ABHD16A: variants seen among roughly 807,000 people sequenced by gnomAD.
The protein encoded by ABHD16A is abhydrolase domain containing 16A, phospholipase.
Under a neutral mutation model 89.8 loss-of-function variants are expected in ABHD16A, and 47 were observed. That is an observed-to-expected ratio of 0.52 (90% CI 0.41 to 0.67). The LOEUF is 0.67. ABHD16A is among the 30% of genes least tolerant of loss of function. The pLI, the probability that ABHD16A is intolerant of heterozygous loss-of-function variation, is 0.00. For synonymous variants in ABHD16A, 251 were observed against 280.4 expected (o/e 0.90, Z 1.05); for missense variants, 580 against 734.6 (o/e 0.79, Z 2.43).
At chr6:31,697,820 G>A (rs528526144) in intron 4 of ABHD16A, among the ~76,000 whole-genome samples, 63 of 152,186 alleles carry the variant, frequency 4.1e-4, no homozygotes, top group Non-Finnish European at 6.9e-4. Flanking sequence ...TCGTGTGTCA[G>A]ACAGGCACCG....
chr6:31,693,055 C>G lies in ABHD16A; in HGVS notation c.598G>C (p.Val200Leu), dbSNP rs780830489. ...GTGATCTGACAAGGCAGCTTCTTAA[C>G]CCGGTTGAGGAGGGTGTCTGCTGTC... ...RGTADTLLNR[V>L]KKLPCQITSY... The change falls in exon 7 of 20, where the codon GTT becomes CTT. Residue 200 changes from valine to leucine, a missense_variant. Around this residue, in one of 2 missense-constraint regions of ABHD16A, gnomAD observed 415 missense variants for 568.8 expected, o/e 0.73. Transcript: ENST00000395952. This position sits in a 1 kb window ranked among gnomAD's most constrained non-coding sequence, Gnocchi z 5.0. The G allele has an allele frequency of 9.3e-6, 15 of 1,614,182 alleles. No homozygotes were observed. The highest frequency in any genetic ancestry group is 1.3e-5 in the African/African-American group (1 of 75,048).
At chr6:31,692,935 G>A (rs1187375453) in intron 7 of ABHD16A, 92 bp downstream of exon 7, 1 of 1,552,612 alleles carries the variant, frequency 6.4e-7, no homozygotes, top group Non-Finnish European at 8.9e-7. Context: ...CCCAATGAGT[G>A]ACAGCTATTT....
At chr6:31,696,115 G>T (rs537234729) in intron 5 of ABHD16A, among the ~76,000 whole-genome samples, 2 of 150,242 alleles carry the variant, frequency 1.3e-5, no homozygotes, top group Admixed American at 6.6e-5. Flanking sequence ...AGTAAGCTGA[G>T]ATGGCGCCAC....
Position 31,689,051 on chromosome 6 carries a change from C to A in ABHD16A, c.1150G>T (p.Val384Leu). 6.2e-7 allele frequency: 1 copy of A among 1,614,026 alleles called. No individual in the cohort carries two copies. The highest frequency in any genetic ancestry group is 8.5e-7 in the Non-Finnish European group (1 of 1,179,976). ...GGCATGACCTTCAAGGCCAAGGGCACCAGGTCATCAAAGGAGGCATCCAGG... is the reference window on the plus strand; with the variant it reads ...GGCATGACCTTCAAGGCCAAGGGCAACAGGTCATCAAAGGAGGCATCCAGG... The part of the protein sequence containing the change: ...MILDASFDDL[V>L]PLALKVMPDS... Residue 384 changes from valine to leucine, a missense_variant, in exon 13 of 20, where the codon GTG becomes TTG. By Grantham distance (32) the Val-to-Leu change is conservative. Coordinates refer to ENST00000395952, the MANE Select transcript of ABHD16A (RefSeq NM_021160.3).
rs545892953 is a variant in ABHD16A at position 31,693,665 on chromosome 6, G to A, written c.430-233C>T. 6.6e-6 allele frequency among the ~76,000 whole-genome samples: 1 copy of A among 152,216 alleles called. No individual in the cohort carries two copies. The highest frequency in any genetic ancestry group is 1.5e-5 in the Non-Finnish European group (1 of 68,038). On this transcript the variant is annotated intron_variant, in intron 5 of 19. Transcript: ENST00000395952. The surrounding 1 kb of genome is among the most constrained non-coding windows in gnomAD (Gnocchi z 5.0). The stretch of plus-strand genomic sequence containing the variant: ...GACTGGCCTGTCTGCCCTCTTCCAA[G>A]CTAAGAACCTAACACTCTGCTTTTC...
chr6:31,690,620 A>T lies in ABHD16A; in HGVS notation c.844-18T>A. 1 of 1,612,780 alleles carries T rather than the reference A, an allele frequency of 6.2e-7. No individual in the cohort carries two copies. The stretch of plus-strand genomic sequence containing the variant: ...CAGATCACCTAGGAAGGAGGCAGGA[A>T]GGAAGGGCTGGGGGGCCAAGTTGGG... On this transcript the variant is annotated intron_variant, in intron 9 of 19. Coordinates refer to ENST00000395952, the MANE Select transcript of ABHD16A (RefSeq NM_021160.3). This position sits in a 1 kb window ranked among gnomAD's most constrained non-coding sequence, Gnocchi z 4.1.
At position 31,693,118 on chromosome 6, in the gene ABHD16A, C is replaced by T; in HGVS notation, c.535G>A (p.Gly179Ser). ...GGCTCTGGGCGAAGCAGGGCCACAC[C>T]CCGGCGGGAAGGGCCCCCTCGAGAC... ...KESRGGPSRR[G>S]VALLRPEPLH... The change falls in exon 7 of 20, where the codon GGT (glycine) becomes AGT (serine). Residue 179 changes from glycine (G) to serine (S), a missense_variant. Physicochemically the swap from Gly to Ser is moderately conservative, Grantham distance 56 (BLOSUM62 0). Around this residue, in one of 2 missense-constraint regions of ABHD16A, gnomAD observed 415 missense variants for 568.8 expected, o/e 0.73. Coordinates refer to ENST00000395952, the MANE Select transcript of ABHD16A (RefSeq NM_021160.3). This position sits in a 1 kb window ranked among gnomAD's most constrained non-coding sequence, Gnocchi z 5.0. The T allele has an allele frequency of 6.2e-7, 1 of 1,613,964 alleles. No individual in the cohort carries two copies. The highest frequency in any genetic ancestry group is 8.5e-7 in the Non-Finnish European group (1 of 1,179,916).
At chr6:31,692,947 A>G in intron 7 of ABHD16A, 80 bp downstream of exon 7, 5 of 1,591,408 alleles carry the variant, frequency 3.1e-6, no homozygotes, top group Non-Finnish European at 4.3e-6. Context: ...CAGCTATTTT[A>G]CAATGGAGCG....
chr6:31,702,233 A>T (rs1805085637), intron 1 of ABHD16A, 103 bp from the exon 2 acceptor site: 1 of 1,150,474 alleles, frequency 8.7e-7, no homozygotes, highest in African/African-American at 1.5e-5. Flanking sequence ...AGTCTCGTTG[A>T]CTATCTCTCT....
At chr6:31,702,645 C>A in intron 1 of ABHD16A, 2 of 1,524,308 alleles carry the variant, frequency 1.3e-6, no homozygotes, top group Non-Finnish European at 1.8e-6. Flanking sequence ...TACAATGACT[C>A]GGGTCTCCAG....
intron 7 of ABHD16A, chr6:31,692,307 A>G (rs1803967935): frequency 5.7e-6 from 1 of 175,392 alleles, no homozygotes; most frequent in Non-Finnish European, 1.2e-5. Context: ...AATGATGGTT[A>G]TAATTCAAAA....
intron 4 of ABHD16A, 114 bp downstream of exon 4, chr6:31,700,828 T>C (rs181938326): frequency 5.0e-6 from 4 of 805,512 alleles, no homozygotes. Context: ...CTTAAACCAT[T>C]CTCAATGATT....
In ABHD16A at chr6:31,702,127, T is replaced by G. The variant is rs1805074022; in HGVS notation, c.136A>C (p.Thr46Pro). ...VTAPHSSSWD[T>P]YYQPRALEKH... ...TCCAGGGCACGGGGCTGATAGTACG[T>G]ATCCTGCCAAAACAGATGGCCTCCT... is the stretch of plus-strand genomic sequence containing the variant. Residue 46 changes from threonine (T) to proline (P), a missense_variant, in exon 2 of 20, where the codon ACG becomes CCG. By Grantham distance (38) the Thr-to-Pro change is conservative (BLOSUM62 -1). Around this residue, in one of 2 missense-constraint regions of ABHD16A, gnomAD observed 165 missense variants for 165.8 expected, o/e 1.00. Transcript: ENST00000395952. 1.2e-6 allele frequency: 2 copies of G among 1,612,994 alleles called. No individual in the cohort carries two copies. The highest frequency in any genetic ancestry group is 2.7e-5 in the African/African-American group (2 of 74,944).
intron 3 of ABHD16A, 52 bp from the exon 4 acceptor site, chr6:31,701,080 C>A: frequency 3.3e-6 from 5 of 1,510,474 alleles, no homozygotes; most frequent in Non-Finnish European, 4.6e-6. Context: ...TCCCTCAGCT[C>A]CTCTTCCCAG....
chr6:31,695,409 T>C (rs1562109578), intron 5 of ABHD16A, among the ~76,000 whole-genome samples: 1 of 152,170 alleles, frequency 6.6e-6, no homozygotes, highest in Non-Finnish European at 1.5e-5. Context: ...GCTGCTGTGA[T>C]ACAGAGAAAA....
intron 2 of ABHD16A, among the ~76,000 whole-genome samples, chr6:31,701,869 G>A (rs1327202213): frequency 2.6e-5 from 4 of 152,202 alleles, no homozygotes; most frequent in African/African-American, 9.6e-5. Context: ...GTTGCCCCCA[G>A]AGAAAGCAGT....
At chr6:31,700,214 C>T (rs1001121901) in intron 4 of ABHD16A, among the ~76,000 whole-genome samples, 1 of 151,946 alleles carries the variant, frequency 6.6e-6, no homozygotes, top group African/African-American at 2.4e-5. Flanking sequence ...CAACCTTTGC[C>T]TCCCAGGTTC....
Position 31,703,163 on chromosome 6 carries a change from T to TG in ABHD16A, c.118dup (p.His40ProfsTer19), listed in dbSNP as rs1431816401. ...AACTCGACTCACCCAGGAGCTGGAATGGGGGGCAGTGACTGCCGTTGGCGT... is the reference window on the plus strand; with the variant it reads ...AACTCGACTCACCCAGGAGCTGGAATGGGGGGGCAGTGACTGCCGTTGGCGT... On this transcript the variant is annotated frameshift_variant, in exon 1 of 20. Coordinates refer to ENST00000395952, the MANE Select transcript of ABHD16A (RefSeq NM_021160.3). LOFTEE classifies it high-confidence loss of function. 1 of 1,431,006 alleles carries TG rather than the reference T, an allele frequency of 7.0e-7. No individual in the cohort carries two copies. The highest frequency in any genetic ancestry group is 9.2e-7 in the Non-Finnish European group (1 of 1,084,952). The allele number at this position is 1,431,006 out of a possible 1,614,324, so 88.6% of individuals were successfully genotyped here. A position where few individuals can be genotyped will look rare whatever the true frequency, so the allele number is the denominator to read the frequency against.
intron 4 of ABHD16A, among the ~76,000 whole-genome samples, chr6:31,697,960 T>C (rs1176023279): frequency 1.3e-5 from 2 of 152,166 alleles, no homozygotes; most frequent in African/African-American, 4.8e-5. Flanking sequence ...GGATAAGTGC[T>C]ACAGAGAAAA....
Sources: allele counts gnomAD v4.1 joint callset (sites outside exome capture counted in the v4.1 genomes callset), GRCh38; gene constraint gnomAD v4.1.1; regional missense constraint gnomAD v4.1.1; non-coding constraint Gnocchi (gnomAD v3.1); transcripts MANE v1.5; gene names NCBI Gene and HGNC (gene_info 2026-07-23, HGNC 2026-07-21).